CYP4X1: variants seen among roughly 807,000 people sequenced by gnomAD.
CYP4X1 encodes the protein cytochrome P450 family 4 subfamily X member 1, also known as cytochrome P450 4X1.
Under a neutral mutation model 57.9 loss-of-function variants are expected in CYP4X1, and 44 were observed. That is an observed-to-expected ratio of 0.76 (90% confidence interval 0.60 to 0.98). The LOEUF is 0.98. Ranked by LOEUF, CYP4X1 falls within the 50% of genes least tolerant of loss-of-function variation. The pLI is 0.00. For synonymous variants in CYP4X1, 227 were observed against 228.6 expected, an observed-to-expected ratio of 0.99 and a Z score of 0.06; for missense variants, 532 against 623.9, an observed-to-expected ratio of 0.85 and a Z score of 1.57.
chr1:46,990,167 A>G, the CYP4X1 span, among the ~76,000 whole-genome samples: 769 of 152,378 alleles, frequency 5.0e-3, 7 homozygotes, highest in African/African-American at 0.017. Flanking sequence ...AAGGGCCAAT[A>G]TCCAGAATCT....
rs141700455 is a variant in CYP4X1 at position 47,028,291 on chromosome 1, G to T, written c.178-1699G>T. Among the ~76,000 whole-genome samples, 52 of 152,230 alleles carry T rather than the reference G, an allele frequency of 3.4e-4. No individual in the cohort carries two copies. In the East Asian group the frequency reaches 9.7e-3, roughly 28 times the overall value. Reference sequence around the variant, plus strand: ...AACTGGAGTTTGAATCCTCATTAGTGGTTGCCAGCTGTACACACTTGGGCA... The same window carrying T: ...AACTGGAGTTTGAATCCTCATTAGTTGTTGCCAGCTGTACACACTTGGGCA... On this transcript the variant is annotated intron_variant, in intron 1 of 11. Coordinates refer to ENST00000371901, the MANE Select transcript of CYP4X1 (RefSeq NM_178033.2).
chr1:47,045,731 A>G (rs1029646843), intron 8 of CYP4X1, among the ~76,000 whole-genome samples: 6 of 152,198 alleles, frequency 3.9e-5, no homozygotes, highest in African/African-American at 1.2e-4. Context: ...TGGATATTCC[A>G]TGCTTCCCTT....
the CYP4X1 span, among the ~76,000 whole-genome samples, chr1:46,977,195 T>C: frequency 1.3e-5 from 2 of 152,088 alleles, no homozygotes; most frequent in Non-Finnish European, 2.9e-5. Context: ...AGGAGGATGT[T>C]CAAACCCATC....
intron 1 of CYP4X1, among the ~76,000 whole-genome samples, chr1:47,025,733 A>T (rs909278783): frequency 3.3e-5 from 5 of 152,146 alleles, no homozygotes. Flanking sequence ...TGTCAAACAC[A>T]TCTAAATAAT....
Position 47,050,093 on chromosome 1 carries a change from G to A in CYP4X1, c.1449G>A (p.Arg483=), listed in dbSNP as rs373701345. The part of the protein sequence containing the change: ...LHFRVTPDPT[R]PLTFPNHFIL... ...TCAGAGTGACTCCAGACCCCACCAG[G>A]CCTCTTACTTTCCCCAACCATTTTA... Residue 483 remains arginine (R), a synonymous_variant, in exon 12 of 12, where the codon AGG becomes AGA. Transcript: ENST00000371901. The A allele has an allele frequency of 5.6e-6, 9 of 1,613,976 alleles. No individual in the cohort carries two copies. Among genetic ancestry groups the A allele is most frequent in the Non-Finnish European group, 6.8e-6 (8 of 1,179,998 alleles).
chr1:47,002,547 G>T, the CYP4X1 span, among the ~76,000 whole-genome samples: 1 of 152,186 alleles, frequency 6.6e-6, no homozygotes, highest in African/African-American at 2.4e-5. Context: ...GGAATTTACA[G>T]AATTACTTAT....
the CYP4X1 span, among the ~76,000 whole-genome samples, chr1:46,976,310 C>A: frequency 6.6e-6 from 1 of 152,182 alleles, no homozygotes; most frequent in Admixed American, 6.5e-5. Context: ...ACGCCTGGAT[C>A]CGTGGGTCCC....
chr1:47,015,345 TG>T, the CYP4X1 span, among the ~76,000 whole-genome samples: 1 of 152,346 alleles, frequency 6.6e-6, no homozygotes, highest in Admixed American at 6.5e-5. Context: ...TAAATTCTAC[TG>T]GTTCCTAAGT....
At chr1:46,983,422 G>A in the CYP4X1 span, among the ~76,000 whole-genome samples, 63 of 152,336 alleles carry the variant, frequency 4.1e-4, 2 homozygotes, top group East Asian at 8.7e-3. Context: ...AATGATCAGG[G>A]TCTTTGTTTC....
At chr1:46,973,015 T>C in the CYP4X1 span, among the ~76,000 whole-genome samples, 1 of 152,256 alleles carries the variant, frequency 6.6e-6, no homozygotes, top group Non-Finnish European at 1.5e-5. Context: ...GTTCTGATTC[T>C]CAAGGGAAAT....
At chr1:47,039,964 T>A (rs1402089985) in intron 8 of CYP4X1, among the ~76,000 whole-genome samples, 2 of 152,134 alleles carry the variant, frequency 1.3e-5, no homozygotes, top group African/African-American at 4.8e-5. Context: ...CCAATTTTAT[T>A]CCTCAGGATT....
intron 6 of CYP4X1, among the ~76,000 whole-genome samples, chr1:47,037,889 C>T (rs1331599385): frequency 6.6e-6 from 1 of 151,992 alleles, no homozygotes; most frequent in African/African-American, 2.4e-5. Context: ...AATGTTTATC[C>T]AGTTGTCCCA....
intron 3 of CYP4X1, among the ~76,000 whole-genome samples, chr1:47,032,337 T>C (rs973730597): frequency 6.6e-6 from 1 of 152,210 alleles, no homozygotes; most frequent in Non-Finnish European, 1.5e-5. Context: ...CCCTCCTGCA[T>C]TGACTAGTTA....
chr1:46,961,725 TA>T, the CYP4X1 span: 1 of 1,307,890 alleles, frequency 7.6e-7, no homozygotes, highest in African/African-American at 1.5e-5. Context: ...CCTCAAGCCC[TA>T]ATATGTATGA....
At position 47,050,095 on chromosome 1, in the gene CYP4X1, C is replaced by T. The variant is rs377650246; in HGVS notation, c.1451C>T (p.Pro484Leu). 36 of 1,613,916 alleles carry T rather than the reference C, an allele frequency of 2.2e-5. No homozygotes were observed. The highest frequency in any genetic ancestry group is 4.0e-5 in the African/African-American group (3 of 74,876). The change falls in exon 12 of 12, where the codon CCT (proline) becomes CTT (leucine). Residue 484 changes from proline (P) to leucine (L), a missense_variant. Transcript: ENST00000371901. ...HFRVTPDPTR[P>L]LTFPNHFILK... ...AGAGTGACTCCAGACCCCACCAGGC[C>T]TCTTACTTTCCCCAACCATTTTATC...
intron 4 of CYP4X1, among the ~76,000 whole-genome samples, chr1:47,034,092 G>A (rs1218075481): frequency 6.6e-6 from 1 of 152,188 alleles, no homozygotes; most frequent in Non-Finnish European, 1.5e-5. Flanking sequence ...AACAGCTTCA[G>A]ATTCAGAGGA....
chr1:46,962,048 T>G, the CYP4X1 span, among the ~76,000 whole-genome samples: 6 of 152,296 alleles, frequency 3.9e-5, no homozygotes, highest in Admixed American at 1.3e-4. Context: ...TTAAGACACA[T>G]TTTGGTCCAA....
chr1:46,973,127 G>C, the CYP4X1 span, among the ~76,000 whole-genome samples: 6 of 151,654 alleles, frequency 4.0e-5, no homozygotes, highest in African/African-American at 1.5e-4. Flanking sequence ...GTCTGTTGAG[G>C]GTTTAACATG....
chr1:47,002,819 ATT>A, the CYP4X1 span, among the ~76,000 whole-genome samples: 1 of 152,252 alleles, frequency 6.6e-6, no homozygotes, highest in African/African-American at 2.4e-5. Context: ...TATGTGGACT[ATT>A]GGACTATGCT....
Sources: allele counts gnomAD v4.1 joint callset (sites outside exome capture counted in the v4.1 genomes callset), GRCh38; gene constraint gnomAD v4.1.1; transcripts MANE v1.5; gene names NCBI Gene and HGNC (gene_info 2026-07-23, HGNC 2026-07-21).